Variants in MEI4 observed in about 807,000 individuals in gnomAD.
MEI4 encodes meiosis-specific protein MEI4.
A neutral mutation model predicts 31.4 loss-of-function variants in MEI4; 27 were observed. That is an observed-to-expected ratio of 0.86 (90% confidence interval 0.63 to 1.19). MEI4 has a LOEUF of 1.19. MEI4 is among the 50% of genes most tolerant of loss of function. The pLI is 0.00. For synonymous variants in MEI4, 122 were observed against 145.4 expected, an observed-to-expected ratio of 0.84 and a Z score of 1.16; for missense variants, 329 against 398.9, an observed-to-expected ratio of 0.82 and a Z score of 1.49.
intron 4 of MEI4, among the ~76,000 whole-genome samples, chr6:77,839,051 A>C (rs1343640021): frequency 1.3e-5 from 2 of 152,152 alleles, no homozygotes; most frequent in Non-Finnish European, 2.9e-5. Flanking sequence ...TTGATTTAAG[A>C]GCAGCCCCAG....
At chr6:77,908,033 A>T in intron 4 of MEI4, among the ~76,000 whole-genome samples, 2 of 147,064 alleles carry the variant, frequency 1.4e-5, no homozygotes, top group African/African-American at 2.5e-5. Flanking sequence ...AGTTCATTGT[A>T]GATTCTGGAT....
intron 3 of MEI4, among the ~76,000 whole-genome samples, chr6:77,799,831 C>G (rs200972523): frequency 1.3e-5 from 2 of 152,220 alleles, no homozygotes; most frequent in South Asian, 4.2e-4. Flanking sequence ...TCTGAGGGCT[C>G]TGTTCTGGTT....
At chr6:77,682,195 TTCC>T (rs1582018645) in intron 1 of MEI4, among the ~76,000 whole-genome samples, 2 of 152,232 alleles carry the variant, frequency 1.3e-5, no homozygotes, top group Non-Finnish European at 1.5e-5. Flanking sequence ...ACATGAGGAC[TTCC>T]TCCTGCACTC....
intron 4 of MEI4, among the ~76,000 whole-genome samples, chr6:77,830,565 A>G (rs929906416): frequency 1.3e-5 from 2 of 152,028 alleles, no homozygotes; most frequent in South Asian, 4.1e-4. Context: ...GAAAAATAGC[A>G]ATAACACAAT....
chr6:77,780,939 T>C (rs1241153020), intron 3 of MEI4, among the ~76,000 whole-genome samples: 1 of 152,094 alleles, frequency 6.6e-6, no homozygotes. Context: ...GATGGGGAAG[T>C]GCAGTGGTGT....
Position 77,923,450 on chromosome 6 carries a change from A to T in MEI4, c.*104A>T. On this transcript the variant is annotated 3_prime_UTR_variant, in exon 5 of 5. Coordinates refer to ENST00000684080, the MANE Select transcript of MEI4 (RefSeq NM_001322247.2). ...AATAGTATTTTAATTAGCATTTTAGAATTGATCTCTAAATATAATTATCAA... is the reference window on the plus strand; with the variant it reads ...AATAGTATTTTAATTAGCATTTTAGTATTGATCTCTAAATATAATTATCAA... 2 of 880,878 alleles carry T rather than the reference A, an allele frequency of 2.3e-6. No homozygotes were observed. Among genetic ancestry groups the T allele is most frequent in the Non-Finnish European group, 3.0e-6 (2 of 669,966 alleles). 54.6% of individuals were successfully genotyped at this position (880,878 alleles called of 1,614,324 possible). A position where few individuals can be genotyped will look rare whatever the true frequency, so the allele number is the denominator to read the frequency against.
chr6:77,674,564 A>G (rs1202610390), intron 1 of MEI4, among the ~76,000 whole-genome samples: 1 of 152,180 alleles, frequency 6.6e-6, no homozygotes, highest in African/African-American at 2.4e-5. Flanking sequence ...GCAACAGGCA[A>G]TATCATATAG....
chr6:77,877,716 T>A (rs1398909755), intron 4 of MEI4, among the ~76,000 whole-genome samples: 1 of 37,458 alleles, frequency 2.7e-5, no homozygotes, highest in Non-Finnish European at 4.7e-5. Context: ...GCAGTCAGCC[T>A]TTTTTTTTTT....
chr6:77,831,792 G>A (rs1770089577), intron 4 of MEI4, among the ~76,000 whole-genome samples: 1 of 151,686 alleles, frequency 6.6e-6, no homozygotes, highest in African/African-American at 2.4e-5. Flanking sequence ...ACGAAAATAC[G>A]GTTAGATAGA....
rs73760902 is a variant in MEI4 at position 77,822,404 on chromosome 6, T to C, written c.769-6527T>C. On this transcript the variant is annotated intron_variant, in intron 3 of 4. Coordinates refer to ENST00000684080, the MANE Select transcript of MEI4 (RefSeq NM_001322247.2). ...CTGAGGTTATGGTAAGGGTTTATCA[T>C]GTAAAATATTAACCAGTTTTGTGTC... Among the ~76,000 whole-genome samples the C allele has an allele frequency of 9.1e-3, 1,392 of 152,294 alleles. 17 individuals carry two copies. The highest frequency in any genetic ancestry group is 0.031 in the African/African-American group (1,289 of 41,558).
intron 2 of MEI4, among the ~76,000 whole-genome samples, chr6:77,752,898 AC>A (rs928951616): frequency 2.0e-5 from 3 of 152,222 alleles, no homozygotes; most frequent in African/African-American, 7.2e-5. Flanking sequence ...TGGTACCAAA[AC>A]AGATATATAG....
chr6:77,738,845 T>C (rs1215189523), intron 2 of MEI4, among the ~76,000 whole-genome samples: 1 of 152,232 alleles, frequency 6.6e-6, no homozygotes, highest in African/African-American at 2.4e-5. Context: ...TGAGCAGTGT[T>C]GATGAGCTTT....
chr6:77,678,550 C>T (rs1768887661), intron 1 of MEI4, among the ~76,000 whole-genome samples: 1 of 146,816 alleles, frequency 6.8e-6, no homozygotes, highest in Admixed American at 7.0e-5. Flanking sequence ...ACTTAGGAGC[C>T]ATCAATGTTT....
intron 4 of MEI4, among the ~76,000 whole-genome samples, chr6:77,849,157 A>T (rs1345661940): frequency 1.3e-5 from 2 of 152,178 alleles, no homozygotes; most frequent in African/African-American, 4.8e-5. Flanking sequence ...CCATTTATAT[A>T]TTAACCTAAA....
At chr6:77,655,318 G>A (rs1768373779) in intron 1 of MEI4, among the ~76,000 whole-genome samples, 1 of 152,100 alleles carries the variant, frequency 6.6e-6, no homozygotes, top group Non-Finnish European at 1.5e-5. Flanking sequence ...ATGGGCATTT[G>A]GCTTGGTTCC....
chr6:77,720,696 A>G (rs1766690538), intron 2 of MEI4, among the ~76,000 whole-genome samples: 1 of 66,026 alleles, frequency 1.5e-5, no homozygotes, highest in Non-Finnish European at 2.8e-5. Context: ...ATCCTGCTGC[A>G]TTTACATGAG....
chr6:77,832,179 AT>A (rs1770099718), intron 4 of MEI4, among the ~76,000 whole-genome samples: 1 of 151,918 alleles, frequency 6.6e-6, no homozygotes, highest in Non-Finnish European at 1.5e-5. Flanking sequence ...AGTAAATATA[AT>A]TTTTCTCAGT....
At chr6:77,679,855 C>A (rs1404363999) in intron 1 of MEI4, among the ~76,000 whole-genome samples, 1 of 151,416 alleles carries the variant, frequency 6.6e-6, no homozygotes, top group African/African-American at 2.4e-5. Flanking sequence ...ATTCTCCTGC[C>A]TCAACCTCCC....
chr6:77,804,241 A>C (rs1769365230), intron 3 of MEI4, among the ~76,000 whole-genome samples: 1 of 151,532 alleles, frequency 6.6e-6, no homozygotes, highest in Non-Finnish European at 1.5e-5. Flanking sequence ...AGCAATGAGC[A>C]AGACTCTGAG....
Sources: allele counts gnomAD v4.1 joint callset (sites outside exome capture counted in the v4.1 genomes callset), GRCh38; gene constraint gnomAD v4.1.1; transcripts MANE v1.5; gene names NCBI Gene and HGNC (gene_info 2026-07-23, HGNC 2026-07-21).